The following DENND1B variants were observed in gnomAD, a reference collection of about 807,000 sequenced individuals.
The protein encoded by DENND1B is DENN domain containing 1B.
In DENND1B, 59 loss-of-function variants were observed where a neutral mutation model predicts 90.1. The ratio of observed to expected loss-of-function variants is 0.65; its 90% CI spans 0.53 to 0.81. The LOEUF is 0.81. DENND1B is among the 40% of genes least tolerant of loss of function. The pLI is 0.00. For missense variants in DENND1B, 862 were observed against 912.6 expected, an observed-to-expected ratio of 0.94 and a Z score of 0.71; for synonymous variants, 337 against 324.6, an observed-to-expected ratio of 1.04 and a Z score of -0.41.
chr1:197,716,425 T>C (rs529756322), intron 2 of DENND1B, among the ~76,000 whole-genome samples: 1 of 146,674 alleles, frequency 6.8e-6, no homozygotes, highest in Non-Finnish European at 1.5e-5. Flanking sequence ...TATATCCTCA[T>C]GTAAAACAAA....
chr1:197,572,425 G>A lies in DENND1B; in HGVS notation c.1149+10727C>T, dbSNP rs564764134. Among the ~76,000 whole-genome samples the A allele has an allele frequency of 5.3e-5, 8 of 152,292 alleles. No individual in the cohort carries two copies. The East Asian group carries it at 1.6e-3, about 30-fold the overall frequency. ...ATAAAGGGGCCGGGAAGCTCGAACT[G>A]GGCGGAGGCCACTGCAGCTCAGCAA... is the stretch of plus-strand genomic sequence containing the variant. On this transcript the variant is annotated intron_variant, in intron 15 of 22. Transcript: ENST00000620048.
chr1:197,769,784 A>G (rs182765864), intron 2 of DENND1B, among the ~76,000 whole-genome samples: 153 of 152,338 alleles, frequency 1.0e-3, no homozygotes, highest in African/African-American at 3.5e-3. Flanking sequence ...ACCTTAAACA[A>G]GCTGATAATG....
chr1:197,686,869 T>C (rs928894292), intron 3 of DENND1B, among the ~76,000 whole-genome samples: 4 of 152,156 alleles, frequency 2.6e-5, no homozygotes, highest in African/African-American at 9.7e-5. Flanking sequence ...TATACACAAC[T>C]GATAAAAGCT....
intron 3 of DENND1B, among the ~76,000 whole-genome samples, chr1:197,680,199 C>G (rs1346701323): frequency 1.0e-5 from 1 of 99,054 alleles, no homozygotes; most frequent in Non-Finnish European, 2.4e-5. Flanking sequence ...TTACCCAGCT[C>G]TATCTAAGAA....
chr1:197,526,713 T>C (rs576469765), intron 20 of DENND1B, among the ~76,000 whole-genome samples: 3 of 152,150 alleles, frequency 2.0e-5, no homozygotes, highest in African/African-American at 7.2e-5. Flanking sequence ...TCTTCCATTA[T>C]ATGTTATTAA....
Position 197,540,073 on chromosome 1 carries a change from T to C in DENND1B, c.1408-2A>G, listed in dbSNP as rs866849645. ...GGTCCCATAATCTTCTTCATTTTCCTACACATGAAAAAATATACAGGCAAT... is the reference window on the plus strand; with the variant it reads ...GGTCCCATAATCTTCTTCATTTTCCCACACATGAAAAAATATACAGGCAAT... On this transcript the variant is annotated splice_acceptor_variant, in intron 19 of 22. Coordinates refer to ENST00000620048, the MANE Select transcript of DENND1B (RefSeq NM_001195215.2). LOFTEE classifies it high-confidence loss of function. The C allele has an allele frequency of 1.3e-6, 2 of 1,593,708 alleles. No individual in the cohort carries two copies. The highest frequency in any genetic ancestry group is 1.7e-6 in the Non-Finnish European group (2 of 1,168,110).
At position 197,510,530 on chromosome 1, in the gene DENND1B, CAT is replaced by C. The variant is rs2125589638; in HGVS notation, c.2256_2257del (p.Cys753SerfsTer5). ...TTGTTGGAAGTCAGATGTCATATGA[CAT>C]AATGACACTACTTCATGGAGCAGTC... On this transcript the variant is annotated frameshift_variant, in exon 23 of 23. Transcript: ENST00000620048. LOFTEE classifies it low-confidence loss of function (END_TRUNC). 1 of 1,612,424 alleles carries C rather than the reference CAT, an allele frequency of 6.2e-7. No homozygotes were observed. Among genetic ancestry groups the C allele is most frequent in the African/African-American group, 1.3e-5 (1 of 74,900 alleles).
At chr1:197,529,671 T>A (rs924293206) in intron 20 of DENND1B, among the ~76,000 whole-genome samples, 2 of 152,132 alleles carry the variant, frequency 1.3e-5, no homozygotes, top group Non-Finnish European at 2.9e-5. Flanking sequence ...AACTTTTACA[T>A]ATTATTTAAA....
rs1258191976 is a variant in DENND1B at position 197,666,322 on chromosome 1, T to G, written c.296+5715A>C. Among the ~76,000 whole-genome samples the G allele has an allele frequency of 2.0e-5, 3 of 152,350 alleles. No individual in the cohort carries two copies. The East Asian group carries it at 5.8e-4, about 29-fold the overall frequency. ...AACTGTGAATAAAGACTACAGTTAA[T>G]CATTTATTTTGACACAGAAAAATCT... On this transcript the variant is annotated intron_variant, in intron 5 of 22. Transcript: ENST00000620048.
intron 3 of DENND1B, among the ~76,000 whole-genome samples, chr1:197,698,381 A>G (rs1658667010): frequency 6.6e-6 from 1 of 152,174 alleles, no homozygotes; most frequent in Non-Finnish European, 1.5e-5. Context: ...CAAAGAGACA[A>G]CATACCAGAA....
chr1:197,700,297 A>G (rs1032245024), intron 3 of DENND1B, among the ~76,000 whole-genome samples: 3 of 151,980 alleles, frequency 2.0e-5, no homozygotes, highest in African/African-American at 7.2e-5. Context: ...CAGAAAAGAG[A>G]CCTCAGAAAT....
At chr1:197,591,861 A>G (rs1453658910) in intron 14 of DENND1B, among the ~76,000 whole-genome samples, 5 of 152,104 alleles carry the variant, frequency 3.3e-5, no homozygotes, top group Non-Finnish European at 7.4e-5. Flanking sequence ...CTGTAATCCC[A>G]GCACTCTGGG....
intron 3 of DENND1B, among the ~76,000 whole-genome samples, 170 bp downstream of exon 3, chr1:197,714,861 A>T (rs1387492637): frequency 1.3e-5 from 2 of 152,128 alleles, no homozygotes; most frequent in Non-Finnish European, 2.9e-5. Flanking sequence ...ACTTTAAAAG[A>T]TTCTTCCATA....
At chr1:197,688,684 C>T (rs1219543718) in intron 3 of DENND1B, 2 of 152,304 alleles carry the variant, frequency 1.3e-5, no homozygotes, top group African/African-American at 4.8e-5. Flanking sequence ...GGACAAAAGA[C>T]CTAAGCAGCT....
intron 10 of DENND1B, among the ~76,000 whole-genome samples, chr1:197,623,906 A>G (rs912036063): frequency 4.0e-5 from 6 of 151,640 alleles, no homozygotes; most frequent in Non-Finnish European, 8.9e-5. Flanking sequence ...AAGGAAAACT[A>G]AAGACTCTGA....
chr1:197,538,113 C>T (rs1670050594), intron 20 of DENND1B, among the ~76,000 whole-genome samples: 1 of 151,972 alleles, frequency 6.6e-6, no homozygotes, highest in African/African-American at 2.4e-5. Context: ...TGTGTTTCTC[C>T]AATATAAATA....
chr1:197,685,960 A>C (rs1657191239), intron 3 of DENND1B, among the ~76,000 whole-genome samples: 1 of 152,132 alleles, frequency 6.6e-6, no homozygotes, highest in Non-Finnish European at 1.5e-5. Context: ...TTTTGTTCTT[A>C]GTTCTTATCA....
At chr1:197,661,286 T>C (rs1654380908) in intron 5 of DENND1B, among the ~76,000 whole-genome samples, 1 of 152,108 alleles carries the variant, frequency 6.6e-6, no homozygotes, top group South Asian at 2.1e-4. Context: ...CAGCACATCA[T>C]AGTTTCTGCA....
chr1:197,553,353 A>T (rs973079388), intron 15 of DENND1B, among the ~76,000 whole-genome samples: 2 of 152,180 alleles, frequency 1.3e-5, no homozygotes, highest in African/African-American at 4.8e-5. Context: ...TACAGCAAAG[A>T]GTCTAACTCT....
Sources: allele counts gnomAD v4.1 joint callset (sites outside exome capture counted in the v4.1 genomes callset), GRCh38; gene constraint gnomAD v4.1.1; transcripts MANE v1.5; gene names NCBI Gene and HGNC (gene_info 2026-07-23, HGNC 2026-07-21).